The following SLC5A4 variants were observed in gnomAD, a reference collection of about 807,000 sequenced individuals.
SLC5A4 encodes the protein probable glucose sensor protein SLC5A4.
SLC5A4 carries 55 observed loss-of-function variants against 70.3 expected under a neutral mutation model. That is an observed-to-expected ratio of 0.78 (90% CI 0.63 to 0.98). SLC5A4 has a LOEUF of 0.98. SLC5A4 is among the 50% of genes least tolerant of loss of function. The pLI, the probability that SLC5A4 is intolerant of heterozygous loss-of-function variation, is 0.00. For synonymous variants in SLC5A4, 268 were observed against 305.7 expected (o/e 0.88, Z 1.29); for missense variants, 735 against 839.2 (o/e 0.88, Z 1.53).
At chr22:32,233,552 G>C (rs2123894110) in intron 8 of SLC5A4, among the ~76,000 whole-genome samples, 1 of 152,292 alleles carries the variant, frequency 6.6e-6, no homozygotes, top group South Asian at 2.1e-4. Flanking sequence ...GATAGCGAAG[G>C]GGTCATTGGA....
upstream of SLC5A4, among the ~76,000 whole-genome samples, chr22:32,259,903 G>C (rs1314866691): frequency 2.0e-5 from 3 of 152,174 alleles, no homozygotes; most frequent in Non-Finnish European, 2.9e-5. Context: ...TAAAAGAAAG[G>C]GAAGTCACAC....
chr22:32,290,455 A>G, the SLC5A4 span, among the ~76,000 whole-genome samples: 2 of 152,122 alleles, frequency 1.3e-5, no homozygotes, highest in Non-Finnish European at 2.9e-5. Flanking sequence ...AATTGATTTT[A>G]TTACTACAGG....
At chr22:32,319,237 C>T in the SLC5A4 span, among the ~76,000 whole-genome samples, 3 of 152,144 alleles carry the variant, frequency 2.0e-5, no homozygotes, top group South Asian at 6.2e-4. Flanking sequence ...TCGACTCACA[C>T]TGGAACTCAC....
Position 32,220,931 on chromosome 22 carries a change from C to T in SLC5A4, c.1757G>A (p.Gly586Asp). Residue 586 changes from glycine to aspartate, a missense_variant, in exon 14 of 15, where the codon GGT becomes GAT. Physicochemically the swap from Gly to Asp is moderately conservative, Grantham distance 94. Transcript: ENST00000266086. ...EEKSQEETDDGVEEDYPEKSR... is the reference protein window; with the variant it reads ...EEKSQEETDDDVEEDYPEKSR... Reference sequence around the variant, plus strand: ...AAACCAAATATTACCTTCTTCAACACCATCATCTGTTTCTTCCTGACTTTT... The same window carrying T: ...AAACCAAATATTACCTTCTTCAACATCATCATCTGTTTCTTCCTGACTTTT... 1 of 1,607,858 alleles carries T rather than the reference C, an allele frequency of 6.2e-7. No individual in the cohort carries two copies. The highest frequency in any genetic ancestry group is 8.5e-7 in the Non-Finnish European group (1 of 1,174,298).
the SLC5A4 span, among the ~76,000 whole-genome samples, chr22:32,265,827 G>T: frequency 6.6e-6 from 1 of 152,006 alleles, no homozygotes; most frequent in Non-Finnish European, 1.5e-5. Flanking sequence ...GTGATGGAGT[G>T]GGACTCTGTC....
Position 32,231,093 on chromosome 22 carries a change from A to C in SLC5A4, c.1022-18T>G. 4 of 1,536,268 alleles carry C rather than the reference A, an allele frequency of 2.6e-6. No homozygotes were observed. The highest frequency in any genetic ancestry group is 3.6e-6 in the Non-Finnish European group (4 of 1,109,140). On this transcript the variant is annotated intron_variant, in intron 9 of 14. Transcript: ENST00000266086. ...TACCATATCTGGGGAAGAATTCAGA[A>C]GTGAGTCCAATGAGGCCCAAATAGG...
the SLC5A4 span, among the ~76,000 whole-genome samples, chr22:32,297,226 T>A: frequency 2.7e-5 from 4 of 149,698 alleles, no homozygotes; most frequent in African/African-American, 9.8e-5. Flanking sequence ...TCAGAAGGAA[T>A]GGTACCAGTT....
the SLC5A4 span, among the ~76,000 whole-genome samples, chr22:32,325,331 G>C: frequency 6.6e-6 from 1 of 152,380 alleles, no homozygotes; most frequent in East Asian, 1.9e-4. Context: ...TGTGTCAGTG[G>C]TGAGTGTCTA....
the SLC5A4 span, among the ~76,000 whole-genome samples, chr22:32,311,447 G>A: frequency 2.0e-5 from 3 of 152,206 alleles, no homozygotes; most frequent in Non-Finnish European, 2.9e-5. Context: ...CGTGGCCTTT[G>A]GAGATGTTTG....
the SLC5A4 span, among the ~76,000 whole-genome samples, chr22:32,345,852 C>T: frequency 2.0e-5 from 3 of 152,206 alleles, no homozygotes; most frequent in Non-Finnish European, 4.4e-5. Flanking sequence ...CAGCATGTTA[C>T]TGAGATTAAA....
At chr22:32,319,496 T>C in the SLC5A4 span, among the ~76,000 whole-genome samples, 5 of 152,220 alleles carry the variant, frequency 3.3e-5, 2 homozygotes, top group Non-Finnish European at 1.5e-5. Context: ...ACTCACATCA[T>C]CGGCTCTTTT....
At chr22:32,304,989 C>G in the SLC5A4 span, among the ~76,000 whole-genome samples, 12 of 151,808 alleles carry the variant, frequency 7.9e-5, no homozygotes. Flanking sequence ...CTATTTTTTC[C>G]TCCATTCTGT....
At chr22:32,353,340 C>T in the SLC5A4 span, among the ~76,000 whole-genome samples, 2 of 152,126 alleles carry the variant, frequency 1.3e-5, no homozygotes, top group African/African-American at 4.8e-5. Flanking sequence ...GGGGCCCTAT[C>T]ACCCCGTAGT....
At chr22:32,239,570 T>TTTA (rs1555989415) in intron 5 of SLC5A4, among the ~76,000 whole-genome samples, 770 of 10,404 alleles carry the variant, frequency 0.074, 37 homozygotes, top group Non-Finnish European at 0.093. Context: ...ATATATATAT[T>TTTA]TATATATATA....
chr22:32,347,074 C>G, the SLC5A4 span, among the ~76,000 whole-genome samples: 7 of 152,166 alleles, frequency 4.6e-5, no homozygotes, highest in South Asian at 4.1e-4. Flanking sequence ...CAAAAGAAGA[C>G]GTTTATGCAG....
At chr22:32,332,080 C>T in the SLC5A4 span, among the ~76,000 whole-genome samples, 4 of 152,182 alleles carry the variant, frequency 2.6e-5, no homozygotes, top group South Asian at 2.1e-4. Flanking sequence ...TCCCTGGTGC[C>T]GGCCCCTCCC....
At chr22:32,270,332 A>G in the SLC5A4 span, 1 of 1,035,516 alleles carries the variant, frequency 9.7e-7, no homozygotes, top group African/African-American at 1.6e-5. Context: ...CACAGGAAGA[A>G]TGGGGCTCTG....
At chr22:32,311,967 C>T in the SLC5A4 span, among the ~76,000 whole-genome samples, 2 of 152,016 alleles carry the variant, frequency 1.3e-5, no homozygotes, top group African/African-American at 2.4e-5. Flanking sequence ...GGCCATGTGG[C>T]GCCTGGGCAC....
the SLC5A4 span, among the ~76,000 whole-genome samples, chr22:32,340,301 G>A: frequency 6.6e-6 from 1 of 152,198 alleles, no homozygotes; most frequent in Non-Finnish European, 1.5e-5. Context: ...TTCATTGATC[G>A]GACACTGTCT....
Sources: allele counts gnomAD v4.1 joint callset (sites outside exome capture counted in the v4.1 genomes callset), GRCh38; gene constraint gnomAD v4.1.1; transcripts MANE v1.5; gene names NCBI Gene and HGNC (gene_info 2026-07-23, HGNC 2026-07-21).